Variants in MARCHF8 observed in about 807,000 individuals in gnomAD.
The protein encoded by MARCHF8 is E3 ubiquitin-protein ligase MARCHF8.
A neutral mutation model predicts 51.6 loss-of-function variants in MARCHF8; 40 were observed. The observed-to-expected ratio is 0.77, with a 90% confidence interval of 0.60 to 1.01. The LOEUF is 1.01. MARCHF8 is among the 50% of genes least tolerant of loss of function. The probability of loss-of-function intolerance (pLI) is 0.00; values close to 1 mark genes in which losing one functional copy is unlikely to be tolerated. For missense variants in MARCHF8, 685 were observed against 708.6 expected, an observed-to-expected ratio of 0.97 and a Z score of 0.38; for synonymous variants, 263 against 280.3, an observed-to-expected ratio of 0.94 and a Z score of 0.62.
rs1488435576 is a variant in MARCHF8, at chr10:45,463,845, A to C, written c.394T>G (p.Phe132Val). Residue 132 changes from phenylalanine (F) to valine (V), a missense_variant, in exon 5 of 8, where the codon TTT becomes GTT. Physicochemically the swap from Phe to Val is conservative, Grantham distance 50. Transcript: ENST00000453424. ...DTLQASKRNS[F>V]GSEWAQALKP... ...AAGGCCTGGGCCCATTCTGAACCAA[A>C]GGAATTTCTCTTTGACGCCTGTAAT... 1.9e-6 allele frequency: 3 copies of C among 1,543,256 alleles called. No individual in the cohort carries two copies. The highest frequency in any genetic ancestry group is 2.6e-6 in the Non-Finnish European group (3 of 1,147,016).
rs147713993 is a variant in MARCHF8 at position 45,463,694 on chromosome 10, C to G, written c.545G>C (p.Gly182Ala). 6.4e-7 allele frequency: 1 copy of G among 1,550,908 alleles called. No individual in the cohort carries two copies. Among genetic ancestry groups the G allele is most frequent in the African/African-American group, 1.4e-5 (1 of 73,158 alleles). Reference sequence around the variant, plus strand: ...CGTATCTTGAGGGAGTATTAATTTCCCTTCAGAACAAGTTCTTTCCACATA... The same window carrying G: ...CGTATCTTGAGGGAGTATTAATTTCGCTTCAGAACAAGTTCTTTCCACATA... ...FAYVERTCSEGKLILPQDTCL... is the reference protein window; with the variant it reads ...FAYVERTCSEAKLILPQDTCL... Residue 182 changes from glycine (G) to alanine (A), a missense_variant, in exon 5 of 8, where the codon GGG becomes GCG. By Grantham distance (60) the Gly-to-Ala change is moderately conservative (BLOSUM62 0). Coordinates refer to ENST00000453424, the MANE Select transcript of MARCHF8 (RefSeq NM_001282866.2).
intron 3 of MARCHF8, among the ~76,000 whole-genome samples, chr10:45,471,898 C>T (rs559867591): frequency 6.6e-6 from 1 of 152,190 alleles, no homozygotes; most frequent in Non-Finnish European, 1.5e-5. Flanking sequence ...AGAGAGTAAA[C>T]CTGCAGGTCT....
chr10:45,494,677 A>G (rs1297141481), intron 2 of MARCHF8, among the ~76,000 whole-genome samples: 1 of 152,238 alleles, frequency 6.6e-6, no homozygotes, highest in Non-Finnish European at 1.5e-5. Flanking sequence ...TGATATTGCC[A>G]TTGCCCATTT....
intron 1 of MARCHF8, among the ~76,000 whole-genome samples, chr10:45,584,006 C>CAAAAAAAAA (rs67624741): frequency 1.9e-5 from 1 of 53,060 alleles, no homozygotes; most frequent in Non-Finnish European, 3.6e-5. Context: ...ACTTCATTTC[C>CAAAAAAAAA]AAAAAAAAAA....
At chr10:45,472,527 T>A (rs2042711412) in intron 3 of MARCHF8, among the ~76,000 whole-genome samples, 1 of 152,198 alleles carries the variant, frequency 6.6e-6, no homozygotes, top group South Asian at 2.1e-4. Context: ...TCTCCATCTT[T>A]GCTATATTAG....
In MARCHF8 at chr10:45,492,448, C is replaced by G. The variant is rs547053593; in HGVS notation, c.103-3031G>C. On this transcript the variant is annotated intron_variant, in intron 2 of 7. Transcript: ENST00000453424. ...AAGTAGCTGGGACTACAGGCGCCCACCACCATGTCCGGCTCAGTTTTTGTA... is the reference window on the plus strand; with the variant it reads ...AAGTAGCTGGGACTACAGGCGCCCAGCACCATGTCCGGCTCAGTTTTTGTA... 5.9e-5 allele frequency among the ~76,000 whole-genome samples: 9 copies of G among 152,322 alleles called. No homozygotes were observed. In the South Asian group the frequency reaches 1.7e-3, roughly 28 times the overall value.
At chr10:45,526,732 A>G (rs1246566049) in intron 2 of MARCHF8, among the ~76,000 whole-genome samples, 1 of 152,148 alleles carries the variant, frequency 6.6e-6, no homozygotes, top group Non-Finnish European at 1.5e-5. Context: ...AAAGAAAAAA[A>G]AAACCCCACT....
chr10:45,578,954 T>A (rs981104420), intron 1 of MARCHF8, among the ~76,000 whole-genome samples: 4 of 152,126 alleles, frequency 2.6e-5, no homozygotes, highest in Non-Finnish European at 5.9e-5. Flanking sequence ...AATATGATAA[T>A]TTCATGGCGA....
At chr10:45,535,581 TA>T (rs2043960569), upstream of MARCHF8, among the ~76,000 whole-genome samples, 1 of 152,234 alleles carries the variant, frequency 6.6e-6, no homozygotes, top group Non-Finnish European at 1.5e-5. Context: ...AACAGACCTA[TA>T]AGTTTGCCTG....
intron 1 of MARCHF8, among the ~76,000 whole-genome samples, chr10:45,561,772 G>A (rs938635378): frequency 4.6e-5 from 7 of 150,580 alleles, no homozygotes; most frequent in East Asian, 2.0e-4. Flanking sequence ...GTGGTGGCAG[G>A]TGCCTGTAGT....
Position 45,458,842 on chromosome 10 carries a change from G to A in MARCHF8, c.1417+278C>T, listed in dbSNP as rs17157811. 8.8e-3 allele frequency among the ~76,000 whole-genome samples: 1,334 copies of A among 152,282 alleles called. 10 individuals carry two copies. Among genetic ancestry groups the A allele is most frequent in the South Asian group, 0.014 (69 of 4,834 alleles). ...TTCACAACTCATCCAATGTTGCTCAGTCAAAGAAGAGTGGAAGACAGTGTC... is the reference window on the plus strand; with the variant it reads ...TTCACAACTCATCCAATGTTGCTCAATCAAAGAAGAGTGGAAGACAGTGTC... On this transcript the variant is annotated intron_variant, in intron 7 of 7. Coordinates refer to ENST00000453424, the MANE Select transcript of MARCHF8 (RefSeq NM_001282866.2).
chr10:45,563,842 A>C (rs1265209106), intron 1 of MARCHF8, among the ~76,000 whole-genome samples: 1 of 152,228 alleles, frequency 6.6e-6, no homozygotes, highest in Non-Finnish European at 1.5e-5. Flanking sequence ...AGGACTAAAA[A>C]GGTTAAGTAA....
intron 3 of MARCHF8, among the ~76,000 whole-genome samples, chr10:45,464,687 C>T (rs1842911954): frequency 6.6e-6 from 1 of 152,178 alleles, no homozygotes; most frequent in African/African-American, 2.4e-5. Context: ...AGGCTCCAGG[C>T]CTGCTGGCAC....
intron 1 of MARCHF8, among the ~76,000 whole-genome samples, chr10:45,570,624 G>C (rs1286677620): frequency 6.6e-6 from 1 of 152,084 alleles, no homozygotes; most frequent in East Asian, 1.9e-4. Flanking sequence ...CAATGTAATA[G>C]GCAAGGAAAA....
intron 2 of MARCHF8, among the ~76,000 whole-genome samples, chr10:45,503,069 T>C (rs1414486429): frequency 6.6e-6 from 1 of 152,184 alleles, no homozygotes; most frequent in African/African-American, 2.4e-5. Context: ...TACACTACAA[T>C]TGAAGTAGCA....
chr10:45,592,186 A>C (rs988211796), intron 1 of MARCHF8, among the ~76,000 whole-genome samples: 1 of 150,902 alleles, frequency 6.6e-6, no homozygotes, highest in South Asian at 2.1e-4. Flanking sequence ...TGGTCTGGAC[A>C]AGAAAGAAAG....
chr10:45,467,141 A>G (rs1397964426), intron 3 of MARCHF8, among the ~76,000 whole-genome samples: 3 of 152,168 alleles, frequency 2.0e-5, no homozygotes, highest in African/African-American at 4.8e-5. Flanking sequence ...CTCTGCCTAC[A>G]TTTCTGCTCT....
intron 2 of MARCHF8, among the ~76,000 whole-genome samples, chr10:45,515,461 C>T (rs1191510035): frequency 6.6e-6 from 1 of 152,174 alleles, no homozygotes; most frequent in African/African-American, 2.4e-5. Flanking sequence ...AACAAGTTCC[C>T]CAAGTGTTTC....
chr10:45,553,237 T>G (rs1054184796), intron 1 of MARCHF8: 6 of 152,000 alleles, frequency 3.9e-5, no homozygotes, highest in African/African-American at 1.5e-4. Flanking sequence ...AAAAAAAAGA[T>G]AGAATTCTAT....
Sources: allele counts gnomAD v4.1 joint callset (sites outside exome capture counted in the v4.1 genomes callset), GRCh38; gene constraint gnomAD v4.1.1; transcripts MANE v1.5; gene names NCBI Gene and HGNC (gene_info 2026-07-23, HGNC 2026-07-21).